MCOLN1: variants seen among roughly 807,000 people sequenced by gnomAD.
MCOLN1 encodes the protein mucolipin TRP cation channel 1, also known as mucolipin-1.
In MCOLN1, 50 loss-of-function variants were observed where a neutral mutation model predicts 70.3. The observed-to-expected ratio is 0.71, with a 90% CI of 0.57 to 0.90. The LOEUF is 0.90. MCOLN1 is among the 40% of genes least tolerant of loss of function. The pLI is 0.00. For missense variants in MCOLN1, 598 were observed against 803.5 expected, an observed-to-expected ratio of 0.74 and a Z score of 3.09; for synonymous variants, 366 against 341.0, an observed-to-expected ratio of 1.07 and a Z score of -0.81.
At position 7,530,836 on chromosome 19, in the gene MCOLN1, C is replaced by T. The variant is rs374058731; in HGVS notation, c.1575+335C>T. Among the ~76,000 whole-genome samples the T allele has an allele frequency of 2.8e-4, 42 of 151,860 alleles. No individual in the cohort carries two copies. In the East Asian group the frequency reaches 5.3e-3, roughly 19 times the overall value. ...TTGACTCACTGCAACCTCCACCTCCCGGGTTCAAGCAATTCTGTCTCAGCC... is the reference window on the plus strand; with the variant it reads ...TTGACTCACTGCAACCTCCACCTCCTGGGTTCAAGCAATTCTGTCTCAGCC... On this transcript the variant is annotated intron_variant, in intron 12 of 13. Coordinates refer to ENST00000264079, the MANE Select transcript of MCOLN1 (RefSeq NM_020533.3).
chr19:7,526,539 C>T lies in MCOLN1; in HGVS notation c.338C>T (p.Ala113Val), dbSNP rs201374540. ...TTCCTGCTGGGCTACTCGGACGGAGCGGATGACACCTTCGCAGCCTACACG... is the reference window on the plus strand; with the variant it reads ...TTCCTGCTGGGCTACTCGGACGGAGTGGATGACACCTTCGCAGCCTACACG... ...HLFLLGYSDG[A>V]DDTFAAYTRE... Residue 113 changes from alanine (A) to valine (V), a missense_variant, in exon 3 of 14, where the codon GCG becomes GTG. This residue lies in a region of MCOLN1 where 461 missense variants were observed against 588.4 expected (regional missense o/e 0.78). Transcript: ENST00000264079. The surrounding 1 kb of genome is among the most constrained non-coding windows in gnomAD (Gnocchi z 4.6). 77 of 1,614,156 alleles carry T rather than the reference C, an allele frequency of 4.8e-5. No individual in the cohort carries two copies. The East Asian group carries it at 1.5e-3, about 32-fold the overall frequency.
In MCOLN1 at chr19:7,528,317, C is replaced by T. The variant is rs2022602551; in HGVS notation, c.877+60C>T. 1.3e-6 allele frequency: 2 copies of T among 1,523,802 alleles called. No homozygotes were observed. The highest frequency in any genetic ancestry group is 1.1e-5 in the South Asian group (1 of 88,946). 94.4% of individuals were successfully genotyped at this position (1,523,802 alleles called of 1,614,324 possible). On this transcript the variant is annotated intron_variant, in intron 7 of 13. Coordinates refer to ENST00000264079, the MANE Select transcript of MCOLN1 (RefSeq NM_020533.3). This position sits in a 1 kb window ranked among gnomAD's most constrained non-coding sequence, Gnocchi z 4.2. ...GGGCCCTGGCCTGTCCTGGGATTCC[C>T]CAAGCCCCAGATCAGCGCTGCCTGG... is the stretch of plus-strand genomic sequence containing the variant.
chr19:7,530,897 C>T (rs542920338), intron 12 of MCOLN1, among the ~76,000 whole-genome samples: 58 of 152,264 alleles, frequency 3.8e-4, no homozygotes, highest in African/African-American at 1.3e-3. Flanking sequence ...CACGCCACCA[C>T]GTCCAGCTAA....
rs1277238601 is a variant in MCOLN1, at chr19:7,524,789, A to G, written c.32-172A>G. Among the ~76,000 whole-genome samples, 2 of 152,200 alleles carry G rather than the reference A, an allele frequency of 1.3e-5. No homozygotes were observed. The highest frequency in any genetic ancestry group is 2.9e-5 in the Non-Finnish European group (2 of 68,026). ...CATAACCTCTGAGCAGGACGGGTGC[A>G]TAGATACCTACAATGTCACAGGTTT... is the stretch of plus-strand genomic sequence containing the variant. On this transcript the variant is annotated intron_variant, in intron 1 of 13. Coordinates refer to ENST00000264079, the MANE Select transcript of MCOLN1 (RefSeq NM_020533.3). The surrounding 1 kb of genome is among the most constrained non-coding windows in gnomAD (Gnocchi z 4.1).
chr19:7,525,309 T>A lies in MCOLN1; in HGVS notation c.237+143T>A. The A allele has an allele frequency of 1.3e-6, 1 of 756,514 alleles. No homozygotes were observed. The allele number at this position is 756,514 out of a possible 1,614,324, so 46.9% of individuals were successfully genotyped here. A position where few individuals can be genotyped will look rare whatever the true frequency, so the allele number is the denominator to read the frequency against. On this transcript the variant is annotated intron_variant, in intron 2 of 13. Coordinates refer to ENST00000264079, the MANE Select transcript of MCOLN1 (RefSeq NM_020533.3). The surrounding 1 kb of genome is among the most constrained non-coding windows in gnomAD (Gnocchi z 4.2). Reference sequence around the variant, plus strand: ...GAGTTCAAGACCAGTCTGGCCAGCATGGTGAAACCCCATCTCTACTAAAAA... The same window carrying A: ...GAGTTCAAGACCAGTCTGGCCAGCAAGGTGAAACCCCATCTCTACTAAAAA...
At chr19:7,529,533 ACAGCTGACCTG>A in intron 10 of MCOLN1, 46 bp from the exon 11 acceptor site, 1 of 462,474 alleles carries the variant, frequency 2.2e-6, no homozygotes, top group Non-Finnish European at 3.6e-6. Flanking sequence ...CTGGGTGCCC[ACAGCTGACCTG>A]AGTTGTGGCC....
rs141168886 is a variant in MCOLN1, at chr19:7,525,000, C to A, written c.71C>A (p.Thr24Asn). Residue 24 changes from threonine to asparagine, a missense_variant, in exon 2 of 14, where the codon ACC (threonine) becomes AAC (asparagine). Transcript: ENST00000264079. The surrounding 1 kb of genome is among the most constrained non-coding windows in gnomAD (Gnocchi z 4.1). ...CTGACCCCCAACCCCGGGTATGGGA[C>A]CCAGGCGGGGCCTTCACCGGCCCCT... The part of the protein sequence containing the change: ...RLLTPNPGYG[T>N]QAGPSPAPPT... The A allele has an allele frequency of 1.0e-4, 166 of 1,613,864 alleles. No individual in the cohort carries two copies. In the African/African-American group the frequency reaches 1.9e-3, roughly 18 times the overall value.
In MCOLN1 at chr19:7,528,187, G is replaced by A. The variant is rs2146024202; in HGVS notation, c.807G>A (p.Gly269=). The A allele has an allele frequency of 2.5e-6, 4 of 1,614,104 alleles. No individual in the cohort carries two copies. The highest frequency in any genetic ancestry group is 1.1e-5 in the South Asian group (1 of 91,084). ...CGTTTGACAACAAAGCACACAGTGG[G>A]CGGATCCCCATCAGCCTGGAGACCC... ...LITFDNKAHS[G]RIPISLETQA... Residue 269 remains glycine (G), a synonymous_variant, in exon 7 of 14, where the codon GGG becomes GGA. Transcript: ENST00000264079. The surrounding 1 kb of genome is among the most constrained non-coding windows in gnomAD (Gnocchi z 4.2).
chr19:7,530,206 G>T lies in MCOLN1; in HGVS notation c.1360-80G>T. ...CCCAGCCACCAGCTCCTAGCCATTTGCATGGGACCCCAGCCTGACCCCAGC... is the reference window on the plus strand; with the variant it reads ...CCCAGCCACCAGCTCCTAGCCATTTTCATGGGACCCCAGCCTGACCCCAGC... On this transcript the variant is annotated intron_variant, in intron 11 of 13. Transcript: ENST00000264079. 5.5e-6 allele frequency: 7 copies of T among 1,279,198 alleles called. No individual in the cohort carries two copies. The South Asian group carries it at 7.1e-5, about 13-fold the overall frequency. 79.2% of individuals were successfully genotyped at this position (1,279,198 alleles called of 1,614,324 possible).
At chr19:7,523,358 C>G (rs1037729840) in intron 1 of MCOLN1, among the ~76,000 whole-genome samples, 1 of 152,220 alleles carries the variant, frequency 6.6e-6, no homozygotes, top group African/African-American at 2.4e-5. Flanking sequence ...GTTAGCTTCC[C>G]CTTCTGGAGC....
chr19:7,529,075 T>C (rs753761874), intron 9 of MCOLN1, 26 bp from the exon 10 acceptor site: 2 of 1,613,536 alleles, frequency 1.2e-6, no homozygotes, highest in East Asian at 2.2e-5. Context: ...CTGGGCCAGA[T>C]AGGTTGACGC....
Position 7,529,697 on chromosome 19 carries a change from G to A in MCOLN1, c.1344G>A (p.Gly448=). 6.2e-7 allele frequency: 1 copy of A among 1,614,126 alleles called. No individual in the cohort carries two copies. Among genetic ancestry groups the A allele is most frequent in the Non-Finnish European group, 8.5e-7 (1 of 1,179,988 alleles). ...GYCFCGWIVL[G]PYHVKFRSLS... ...GCTTCTGTGGCTGGATCGTGCTGGG[G>A]CCCTATCATGTGAAGGTACATCTAA... Residue 448 remains glycine (G), a synonymous_variant, in exon 11 of 14, where the codon GGG becomes GGA. Coordinates refer to ENST00000264079, the MANE Select transcript of MCOLN1 (RefSeq NM_020533.3).
chr19:7,524,352 C>T lies in MCOLN1; in HGVS notation c.32-609C>T, dbSNP rs529767626. 6.6e-6 allele frequency among the ~76,000 whole-genome samples: 1 copy of T among 152,214 alleles called. No homozygotes were observed. Among genetic ancestry groups the T allele is most frequent in the Non-Finnish European group, 1.5e-5 (1 of 68,046 alleles). On this transcript the variant is annotated intron_variant, in intron 1 of 13. Transcript: ENST00000264079. The surrounding 1 kb of genome is among the most constrained non-coding windows in gnomAD (Gnocchi z 4.1). ...TTATTACTTATGTTGTCAATTACCT[C>T]TTCTCCAGGTCCTTGGCTTCTGAGA...
chr19:7,531,774 T>C (rs2022656415), intron 12 of MCOLN1, among the ~76,000 whole-genome samples: 1 of 151,528 alleles, frequency 6.6e-6, no homozygotes, highest in African/African-American at 2.4e-5. Flanking sequence ...TTCAAGCGAT[T>C]CTCCTGCCTC....
chr19:7,526,521 T>G lies in MCOLN1; in HGVS notation c.320T>G (p.Leu107Arg). The part of the protein sequence containing the change: ...NTIAFRHLFL[L>R]GYSDGADDTF... ...ATCGCCTTCCGACACCTCTTCCTGC[T>G]GGGCTACTCGGACGGAGCGGATGAC... Residue 107 changes from leucine (L) to arginine (R), a missense_variant, in exon 3 of 14, where the codon CTG becomes CGG. By Grantham distance (102) the Leu-to-Arg change is moderately radical (BLOSUM62 -2). Coordinates refer to ENST00000264079, the MANE Select transcript of MCOLN1 (RefSeq NM_020533.3). The surrounding 1 kb of genome is among the most constrained non-coding windows in gnomAD (Gnocchi z 4.6). 1.2e-6 allele frequency: 2 copies of G among 1,614,254 alleles called. No homozygotes were observed. The highest frequency in any genetic ancestry group is 1.7e-6 in the Non-Finnish European group (2 of 1,180,038).
rs532598375 is a variant in MCOLN1 at position 7,526,249 on chromosome 19, G to T, written c.238-190G>T. ...GGCATGGAGCTTATGCCAGGAGGTGGGGTGAAATTAATCAAAGCAAAGAAA... is the reference window on the plus strand; with the variant it reads ...GGCATGGAGCTTATGCCAGGAGGTGTGGTGAAATTAATCAAAGCAAAGAAA... On this transcript the variant is annotated intron_variant, in intron 2 of 13. Coordinates refer to ENST00000264079, the MANE Select transcript of MCOLN1 (RefSeq NM_020533.3). This position sits in a 1 kb window ranked among gnomAD's most constrained non-coding sequence, Gnocchi z 4.6. 23 of 692,568 alleles carry T rather than the reference G, an allele frequency of 3.3e-5. No individual in the cohort carries two copies. Among genetic ancestry groups the T allele is most frequent in the Admixed American group, 1.5e-4 (7 of 46,420 alleles). The allele number at this position is 692,568 out of a possible 1,614,324, so 42.9% of individuals were successfully genotyped here.
chr19:7,528,017 G>C lies in MCOLN1; in HGVS notation c.777+57G>C. The C allele has an allele frequency of 6.4e-7, 1 of 1,565,778 alleles. No homozygotes were observed. On this transcript the variant is annotated intron_variant, in intron 6 of 13. Coordinates refer to ENST00000264079, the MANE Select transcript of MCOLN1 (RefSeq NM_020533.3). The surrounding 1 kb of genome is among the most constrained non-coding windows in gnomAD (Gnocchi z 4.2). ...GAGTTCCAGGGCAGGGACCTGGTCAGGGAGTGTCTTGGGAGCACTGGCCAA... is the reference window on the plus strand; with the variant it reads ...GAGTTCCAGGGCAGGGACCTGGTCACGGAGTGTCTTGGGAGCACTGGCCAA...
rs1329685196 is a variant in MCOLN1, at chr19:7,529,454, A to T, written c.1237-136A>T. 8 of 1,167,970 alleles carry T rather than the reference A, an allele frequency of 6.8e-6. No homozygotes were observed. In the East Asian group the frequency reaches 1.8e-4, roughly 26 times the overall value. 72.4% of individuals were successfully genotyped at this position (1,167,970 alleles called of 1,614,324 possible). A position where few individuals can be genotyped will look rare whatever the true frequency, so the allele number is the denominator to read the frequency against. Reference sequence around the variant, plus strand: ...CCTCAGACGTGGCCACGCCCCCTCTAGGCACCCACTGGCTCCCATGACCAC... The same window carrying T: ...CCTCAGACGTGGCCACGCCCCCTCTTGGCACCCACTGGCTCCCATGACCAC... On this transcript the variant is annotated intron_variant, in intron 10 of 13. Coordinates refer to ENST00000264079, the MANE Select transcript of MCOLN1 (RefSeq NM_020533.3).
chr19:7,526,043 CAG>C lies in MCOLN1; in HGVS notation c.238-393_238-392del. 3.2e-6 allele frequency: 1 copy of C among 313,780 alleles called. No homozygotes were observed. Among genetic ancestry groups the C allele is most frequent in the South Asian group, 2.9e-5 (1 of 34,962 alleles). The allele number at this position is 313,780 out of a possible 1,614,324, so 19.4% of individuals were successfully genotyped here. On this transcript the variant is annotated intron_variant, in intron 2 of 13. Transcript: ENST00000264079. This position sits in a 1 kb window ranked among gnomAD's most constrained non-coding sequence, Gnocchi z 4.6. ...TACCATGGCACTCCAACTTGGGCAACAGAGTGAGACTCTGTCTCAAAAAAGAA... is the reference window on the plus strand; with the variant it reads ...TACCATGGCACTCCAACTTGGGCAACAGTGAGACTCTGTCTCAAAAAAGAA...
Sources: gnomAD v4.1 joint callset for allele counts (sites outside exome capture counted in the v4.1 genomes callset) on GRCh38, gnomAD v4.1.1 for gene constraint, gnomAD v4.1.1 regional missense constraint, Gnocchi (gnomAD v3.1) non-coding constraint, MANE v1.5 for transcripts, NCBI Gene and HGNC (gene_info 2026-07-23, HGNC 2026-07-21) for gene names.